The following RFC3 variants were observed in gnomAD, a reference collection of about 807,000 sequenced individuals.
RFC3 encodes replication factor C subunit 3.
A neutral mutation model predicts 45.1 loss-of-function variants in RFC3; 41 were observed. The observed-to-expected ratio is 0.91, with a 90% CI of 0.71 to 1.18. The LOEUF is 1.18. RFC3 is among the 50% of genes most tolerant of loss of function. The pLI, the probability that RFC3 is intolerant of heterozygous loss-of-function variation, is 0.00. For synonymous variants in RFC3, 149 were observed against 144.0 expected (o/e 1.03, Z -0.25); for missense variants, 423 against 428.1 (o/e 0.99, Z 0.10).
chr13:33,963,302 G>A (rs2083068810), intron 8 of RFC3, among the ~76,000 whole-genome samples: 1 of 152,152 alleles, frequency 6.6e-6, no homozygotes, highest in Non-Finnish European at 1.5e-5. Context: ...AACATGCCAA[G>A]GTCAAATAGG....
At chr13:33,888,179 G>A (rs143291545) in intron 8 of RFC3, among the ~76,000 whole-genome samples, 16 of 152,202 alleles carry the variant, frequency 1.1e-4, no homozygotes, top group African/African-American at 3.6e-4. Flanking sequence ...GTCATTGGTA[G>A]CTTGATGGGG....
chr13:33,818,183 G>C lies in RFC3; in HGVS notation c.5G>C (p.Ser2Thr), dbSNP rs769916582. The C allele has an allele frequency of 6.2e-7, 1 of 1,613,188 alleles. No homozygotes were observed. Among genetic ancestry groups the C allele is most frequent in the Non-Finnish European group, 8.5e-7 (1 of 1,179,752 alleles). Residue 2 changes from serine (S) to threonine (T), a missense_variant, in exon 1 of 9, where the codon AGC (serine) becomes ACC (threonine). By Grantham distance (58) the Ser-to-Thr change is moderately conservative. Coordinates refer to ENST00000380071, the MANE Select transcript of RFC3 (RefSeq NM_002915.4). ...CCCCCGGGAACTCGAGCTGCCATGAGCCTCTGGGTGGACAAGTATCGGCCC... is the reference window on the plus strand; with the variant it reads ...CCCCCGGGAACTCGAGCTGCCATGACCCTCTGGGTGGACAAGTATCGGCCC... MSLWVDKYRPCS... is the reference protein window; with the variant it reads MTLWVDKYRPCS...
chr13:33,822,586 G>A (rs868772132), intron 2 of RFC3, among the ~76,000 whole-genome samples: 5 of 152,282 alleles, frequency 3.3e-5, no homozygotes, highest in Middle Eastern at 6.8e-3. Flanking sequence ...AGAGAGCTTA[G>A]AAATGTGATA....
At chr13:33,975,475 C>T in the RFC3 span, among the ~76,000 whole-genome samples, 2 of 152,104 alleles carry the variant, frequency 1.3e-5, no homozygotes, top group African/African-American at 4.8e-5. Flanking sequence ...TAGATACTTG[C>T]CATAATGTAT....
chr13:33,923,732 C>CT (rs1479161593), intron 8 of RFC3, among the ~76,000 whole-genome samples: 1 of 152,092 alleles, frequency 6.6e-6, no homozygotes, highest in Admixed American at 6.6e-5. Flanking sequence ...ATAGCTGGCT[C>CT]TATCACTCCT....
chr13:33,861,243 C>G (rs9285100), intron 8 of RFC3, among the ~76,000 whole-genome samples: 1 of 152,034 alleles, frequency 6.6e-6, no homozygotes, highest in African/African-American at 2.4e-5. Context: ...TGATGATAAA[C>G]TTTATTTTAA....
At chr13:33,967,168 A>G (rs2083092069), downstream of RFC3, among the ~76,000 whole-genome samples, 1 of 152,046 alleles carries the variant, frequency 6.6e-6, no homozygotes, top group Non-Finnish European at 1.5e-5. Flanking sequence ...AAAAAATTAA[A>G]AAAAAAATTT....
chr13:33,975,507 T>A, the RFC3 span, among the ~76,000 whole-genome samples: 3 of 152,350 alleles, frequency 2.0e-5, no homozygotes, highest in African/African-American at 7.2e-5. Flanking sequence ...CATAGAACTT[T>A]ACAGCAAAAA....
the RFC3 span, among the ~76,000 whole-genome samples, chr13:33,972,210 T>A: frequency 6.6e-6 from 1 of 152,242 alleles, no homozygotes; most frequent in African/African-American, 2.4e-5. Flanking sequence ...TTTGAACTTT[T>A]TTTTCAAAAT....
chr13:33,965,725 A>G (rs2083084359), intron 8 of RFC3, among the ~76,000 whole-genome samples: 1 of 152,180 alleles, frequency 6.6e-6, no homozygotes, highest in Non-Finnish European at 1.5e-5. Context: ...TATCAGATAG[A>G]AACTATCTTC....
chr13:33,932,680 T>G (rs1468777813), intron 8 of RFC3, among the ~76,000 whole-genome samples: 2 of 152,128 alleles, frequency 1.3e-5, no homozygotes, highest in Admixed American at 1.3e-4. Flanking sequence ...GTAGGAAAAT[T>G]TTTATGTTAT....
chr13:33,969,203 T>C (rs1193529418), downstream of RFC3, among the ~76,000 whole-genome samples: 1 of 152,202 alleles, frequency 6.6e-6, no homozygotes. Flanking sequence ...AAAGTGTCCT[T>C]TCTTTTTGAA....
At chr13:33,892,464 T>C (rs1268999715) in intron 8 of RFC3, among the ~76,000 whole-genome samples, 1 of 152,130 alleles carries the variant, frequency 6.6e-6, no homozygotes, top group Non-Finnish European at 1.5e-5. Flanking sequence ...CAAAGCTGGG[T>C]ATTGGTGCCG....
At chr13:33,939,256 G>C (rs915498347) in intron 8 of RFC3, among the ~76,000 whole-genome samples, 1 of 152,104 alleles carries the variant, frequency 6.6e-6, no homozygotes, top group Non-Finnish European at 1.5e-5. Flanking sequence ...ACCTGAGTCT[G>C]TGCTAATGAG....
At chr13:33,821,323 C>T in intron 2 of RFC3, 54 bp downstream of exon 2, 1 of 1,569,346 alleles carries the variant, frequency 6.4e-7, no homozygotes, top group South Asian at 1.1e-5. Flanking sequence ...GACTTTCAGT[C>T]TTGGTCATGT....
At chr13:33,857,480 G>A (rs544789337) in intron 8 of RFC3, among the ~76,000 whole-genome samples, 11 of 152,292 alleles carry the variant, frequency 7.2e-5, no homozygotes, top group African/African-American at 2.6e-4. Flanking sequence ...TCATGGAGAT[G>A]GGAGCAATGC....
At chr13:33,957,512 C>CTGAATATTCTACAAATGTG (rs2083029281) in intron 8 of RFC3, among the ~76,000 whole-genome samples, 1 of 152,132 alleles carries the variant, frequency 6.6e-6, no homozygotes, top group Non-Finnish European at 1.5e-5. Context: ...CTTATGACTA[C>CTGAATATTCTACAAATGTG]TGAATATTCT....
rs1000965771 is a variant in RFC3 at position 33,909,078 on chromosome 13, G to A, written c.880-57009G>A. Among the ~76,000 whole-genome samples, 3 of 152,110 alleles carry A rather than the reference G, an allele frequency of 2.0e-5. No homozygotes were observed. In the East Asian group the frequency reaches 5.8e-4, roughly 30 times the overall value. ...GTCTGGGTACCCCAGGTCCACTCAA[G>A]TTAACATATAAAATTAACCATCCCA... On this transcript the variant is annotated intron_variant, in intron 8 of 8. Transcript: ENST00000434425.
At chr13:33,821,870 G>C (rs180823336) in intron 2 of RFC3, among the ~76,000 whole-genome samples, 1 of 152,170 alleles carries the variant, frequency 6.6e-6, no homozygotes, top group East Asian at 1.9e-4. Flanking sequence ...TCTACAACTT[G>C]TAGTTTGTAC....
Sources: allele counts gnomAD v4.1 joint callset (sites outside exome capture counted in the v4.1 genomes callset), GRCh38; gene constraint gnomAD v4.1.1; transcripts MANE v1.5; gene names NCBI Gene and HGNC (gene_info 2026-07-23, HGNC 2026-07-21).